NAALADL2: variants seen among roughly 807,000 people sequenced by gnomAD.
The protein encoded by NAALADL2 is inactive N-acetylated-alpha-linked acidic dipeptidase-like protein 2.
NAALADL2 carries 76 observed loss-of-function variants against 87.2 expected under a neutral mutation model. The ratio of observed to expected loss-of-function variants is 0.87; its 90% CI spans 0.72 to 1.05. The LOEUF (loss-of-function observed/expected upper bound fraction) is 1.05. Ranked by LOEUF, NAALADL2 falls within the 50% of genes least tolerant of loss-of-function variation. The probability of loss-of-function intolerance (pLI) is 0.00; values close to 1 mark genes in which losing one functional copy is unlikely to be tolerated. For missense variants in NAALADL2, 1,089 were observed against 945.8 expected, an observed-to-expected ratio of 1.15 and a Z score of -1.99; for synonymous variants, 354 against 331.0, an observed-to-expected ratio of 1.07 and a Z score of -0.75.
At chr3:175,663,915 T>C (rs1287323923) in intron 11 of NAALADL2, among the ~76,000 whole-genome samples, 1 of 152,008 alleles carries the variant, frequency 6.6e-6, no homozygotes, top group Non-Finnish European at 1.5e-5. Flanking sequence ...GATAAAGTCA[T>C]ATTTGCATGA....
At chr3:174,860,501 A>C (rs868393293) in intron 1 of NAALADL2, among the ~76,000 whole-genome samples, 9 of 152,126 alleles carry the variant, frequency 5.9e-5, no homozygotes, top group African/African-American at 1.4e-4. Flanking sequence ...TTATGGACAA[A>C]TGGTATTATG....
intron 1 of NAALADL2, among the ~76,000 whole-genome samples, chr3:174,541,029 TG>T (rs890586112): frequency 6.6e-6 from 1 of 152,214 alleles, no homozygotes; most frequent in Non-Finnish European, 1.5e-5. Context: ...TTAGATCTAC[TG>T]GAAGTAAGGT....
intron 2 of NAALADL2, among the ~76,000 whole-genome samples, chr3:174,603,512 G>A (rs1718660618): frequency 6.6e-6 from 1 of 151,028 alleles, no homozygotes; most frequent in African/African-American, 2.4e-5. Flanking sequence ...TTCTTAGTCT[G>A]GCTATAAGTT....
At chr3:175,088,043 A>G (rs991367263) in intron 1 of NAALADL2, among the ~76,000 whole-genome samples, 2 of 152,210 alleles carry the variant, frequency 1.3e-5, no homozygotes, top group African/African-American at 4.8e-5. Flanking sequence ...ATAGGAAAAT[A>G]TAATAATTCA....
rs141728893 is a variant in NAALADL2 at position 175,438,976 on chromosome 3, A to G, written c.1091-8253A>G. The stretch of plus-strand genomic sequence containing the variant: ...ACCCAAGCAGTGTACATTGTACCCA[A>G]TGTGTAGTCTTTTATCCCTCACCCC... On this transcript the variant is annotated intron_variant, in intron 5 of 13. Coordinates refer to ENST00000454872, the MANE Select transcript of NAALADL2 (RefSeq NM_207015.3). Among the ~76,000 whole-genome samples the G allele has an allele frequency of 5.1e-3, 769 of 152,142 alleles. 6 individuals carry two copies. The highest frequency in any genetic ancestry group is 0.017 in the African/African-American group (712 of 41,522).
intron 1 of NAALADL2, among the ~76,000 whole-genome samples, chr3:174,873,754 T>C (rs1011479230): frequency 1.3e-5 from 2 of 151,826 alleles, no homozygotes; most frequent in African/African-American, 4.8e-5. Context: ...TCACCCCACT[T>C]CATTCTCACA....
chr3:174,822,781 G>A (rs1367063862), intron 3 of NAALADL2, among the ~76,000 whole-genome samples: 1 of 152,174 alleles, frequency 6.6e-6, no homozygotes, highest in East Asian at 1.9e-4. Context: ...TGGGAACTCT[G>A]AGGATCTGGG....
intron 9 of NAALADL2, among the ~76,000 whole-genome samples, chr3:175,502,987 A>G (rs554437463): frequency 6.6e-6 from 1 of 151,598 alleles, no homozygotes; most frequent in East Asian, 1.9e-4. Flanking sequence ...TTTATGAGTA[A>G]ATTTCATGTT....
Position 174,734,485 on chromosome 3 carries a change from G to T in NAALADL2, c.-114-3156G>T, listed in dbSNP as rs570579246. Among the ~76,000 whole-genome samples the T allele has an allele frequency of 2.6e-5, 4 of 152,288 alleles. No homozygotes were observed. The East Asian group carries it at 7.8e-4, about 30-fold the overall frequency. ...ACCAGTTTTCAAGGGCTCTCTTGCA[G>T]ATCGTCTCCTTCTTGTCAGGTTCTT... On this transcript the variant is annotated intron_variant, in intron 2 of 3. Coordinates refer to the NAALADL2 transcript ENST00000434257.
intron 9 of NAALADL2, among the ~76,000 whole-genome samples, chr3:175,573,857 C>T (rs369360865): frequency 4.0e-5 from 6 of 151,764 alleles, no homozygotes; most frequent in Admixed American, 3.9e-4. Context: ...GATTAAGTTG[C>T]TACTGATTAG....
Position 175,655,962 on chromosome 3 carries a change from G to A in NAALADL2, c.1896+28576G>A, listed in dbSNP as rs115411081. ...ATTTTTATGTCAGTTGGAAGAGACT[G>A]TAGAAATTGCCCATTTAACTCCTGA... On this transcript the variant is annotated intron_variant, in intron 11 of 13. Transcript: ENST00000454872. Among the ~76,000 whole-genome samples the A allele has an allele frequency of 7.1e-3, 1,077 of 152,278 alleles. 15 individuals carry two copies. Among genetic ancestry groups the A allele is most frequent in the African/African-American group, 0.02 (846 of 41,578 alleles).
At chr3:175,076,385 A>G (rs890939295) in intron 1 of NAALADL2, among the ~76,000 whole-genome samples, 5 of 151,446 alleles carry the variant, frequency 3.3e-5, no homozygotes, top group Non-Finnish European at 5.9e-5. Flanking sequence ...AGTTCTTAAA[A>G]GGGGCAGAGA....
intron 6 of NAALADL2, among the ~76,000 whole-genome samples, chr3:175,457,918 G>A (rs544145487): frequency 6.6e-6 from 1 of 151,808 alleles, no homozygotes; most frequent in African/African-American, 2.4e-5. Flanking sequence ...ACACATGCCA[G>A]TATTGAGTCA....
rs553730520 is a variant in NAALADL2, at chr3:175,174,810, C to T, written c.546-59121C>T. Among the ~76,000 whole-genome samples the T allele has an allele frequency of 5.0e-4, 69 of 138,702 alleles. No homozygotes were observed. In the South Asian group the frequency reaches 7.2e-3, roughly 15 times the overall value. The allele number at this position is 138,702 out of a possible 152,430, so 91.0% of individuals were successfully genotyped here. ...GTGTATATATATGTGTGTGTGTGTG[C>T]GCTATATATGTATACACACACACAT... On this transcript the variant is annotated intron_variant, in intron 2 of 13. Coordinates refer to ENST00000454872, the MANE Select transcript of NAALADL2 (RefSeq NM_207015.3).
chr3:174,688,530 G>T (rs1423242994), intron 2 of NAALADL2, among the ~76,000 whole-genome samples: 3 of 152,118 alleles, frequency 2.0e-5, no homozygotes, highest in South Asian at 2.1e-4. Flanking sequence ...TCTTATAACA[G>T]TATCTGGCAT....
At chr3:175,640,450 C>T (rs1729131920) in intron 11 of NAALADL2, among the ~76,000 whole-genome samples, 1 of 152,024 alleles carries the variant, frequency 6.6e-6, no homozygotes, top group African/African-American at 2.4e-5. Flanking sequence ...CTCACTTTAT[C>T]CTCATAATAA....
chr3:175,629,181 ACAC>A (rs1727418551), intron 11 of NAALADL2, among the ~76,000 whole-genome samples: 1 of 148,300 alleles, frequency 6.7e-6, no homozygotes, highest in African/African-American at 2.5e-5. Flanking sequence ...ACACACATAC[ACAC>A]ATAAAAACAT....
rs1409755167 is a variant in NAALADL2 at position 174,803,280 on chromosome 3, T to C, written c.-9+65534T>C. The stretch of plus-strand genomic sequence containing the variant: ...CTGTGGGCTGCATAAATGTCTTCTT[T>C]TGAGAAATGTCTGTTCATATTCTTT... On this transcript the variant is annotated intron_variant, in intron 3 of 3. Coordinates refer to the NAALADL2 transcript ENST00000434257. Among the ~76,000 whole-genome samples the C allele has an allele frequency of 2.6e-5, 4 of 152,354 alleles. No individual in the cohort carries two copies. The South Asian group carries it at 6.2e-4, about 24-fold the overall frequency.
chr3:174,851,534 C>A, intron 3 of NAALADL2, among the ~76,000 whole-genome samples: 1 of 151,854 alleles, frequency 6.6e-6, no homozygotes, highest in African/African-American at 2.4e-5. Flanking sequence ...GGATAAATTC[C>A]TAGACATGTC....
Sources: allele counts gnomAD v4.1 joint callset (sites outside exome capture counted in the v4.1 genomes callset), GRCh38; gene constraint gnomAD v4.1.1; transcripts MANE v1.5; gene names NCBI Gene and HGNC (gene_info 2026-07-23, HGNC 2026-07-21).